Variants in GRM7 observed in about 807,000 individuals in gnomAD.
GRM7 encodes the protein metabotropic glutamate receptor 7.
A neutral mutation model predicts 84.5 loss-of-function variants in GRM7; 35 were observed. The ratio of observed to expected loss-of-function variants is 0.41; its 90% CI spans 0.32 to 0.55. The LOEUF (loss-of-function observed/expected upper bound fraction) is 0.55, where lower values mean the gene tolerates loss of function less well. Ranked by LOEUF, GRM7 falls within the 20% of genes least tolerant of loss-of-function variation. The pLI is 0.19. For missense variants in GRM7, 1,003 were observed against 1,194.6 expected, an observed-to-expected ratio of 0.84 and a Z score of 2.36; for synonymous variants, 487 against 455.1, an observed-to-expected ratio of 1.07 and a Z score of -0.89.
At chr3:7,351,353 A>AC (rs1693135430) in intron 4 of GRM7, among the ~76,000 whole-genome samples, 1 of 150,832 alleles carries the variant, frequency 6.6e-6, no homozygotes. Flanking sequence ...AAAAAAAAAA[A>AC]AAAAAAAAAA....
intron 9 of GRM7, among the ~76,000 whole-genome samples, chr3:7,682,724 G>A (rs149156369): frequency 3.3e-4 from 50 of 152,272 alleles, no homozygotes; most frequent in African/African-American, 1.1e-3. Context: ...CATTACTACT[G>A]TTGCTATTTA....
intron 1 of GRM7, among the ~76,000 whole-genome samples, chr3:7,014,547 C>T (rs9826266): frequency 0.018 from 2,697 of 152,072 alleles, 64 homozygotes; most frequent in African/African-American, 0.062. Flanking sequence ...AACTCCTGGC[C>T]TCAAGTGATT....
chr3:7,693,709 C>CTAAG, intron 9 of GRM7: 2 of 1,444,750 alleles, frequency 1.4e-6, no homozygotes. Flanking sequence ...ATCTGTCCTT[C>CTAAG]TAAGTGTCCT....
intron 8 of GRM7, among the ~76,000 whole-genome samples, chr3:7,642,524 T>A (rs1309024747): frequency 6.6e-6 from 1 of 152,184 alleles, no homozygotes. Context: ...ATTGCTTTTG[T>A]AAAAGACATT....
intron 1 of GRM7, among the ~76,000 whole-genome samples, chr3:7,120,779 T>C (rs1436174110): frequency 2.0e-5 from 3 of 152,192 alleles, no homozygotes; most frequent in Non-Finnish European, 4.4e-5. Flanking sequence ...TTTCTGCCTC[T>C]CTGGAGACAG....
intron 3 of GRM7, 61 bp from the exon 4 acceptor site, chr3:7,306,437 C>A (rs2125034317): frequency 2.1e-6 from 3 of 1,446,224 alleles, no homozygotes; most frequent in Non-Finnish European, 2.9e-6. Context: ...GACTTGCAAT[C>A]TACACGGATT....
intron 1 of GRM7, among the ~76,000 whole-genome samples, chr3:6,979,608 C>A (rs1402695926): frequency 6.6e-6 from 1 of 152,044 alleles, no homozygotes; most frequent in South Asian, 2.1e-4. Context: ...AATAACAGTA[C>A]TTTTACAAGA....
intron 8 of GRM7, among the ~76,000 whole-genome samples, chr3:7,600,987 C>G (rs1696284982): frequency 6.8e-6 from 1 of 146,910 alleles, no homozygotes; most frequent in African/African-American, 2.7e-5. Flanking sequence ...TACAGCCACA[C>G]AGGCTTCAAT....
intron 4 of GRM7, among the ~76,000 whole-genome samples, chr3:7,368,619 A>T (rs1694007221): frequency 6.6e-6 from 1 of 152,034 alleles, no homozygotes; most frequent in Non-Finnish European, 1.5e-5. Flanking sequence ...TAGTTGAGAG[A>T]GCATGAGTTT....
chr3:6,906,885 A>G (rs1385319917), intron 1 of GRM7, among the ~76,000 whole-genome samples: 1 of 152,184 alleles, frequency 6.6e-6, no homozygotes, highest in Admixed American at 6.5e-5. Context: ...TAATTGATAT[A>G]CAAAGAACTG....
At chr3:7,182,491 A>C (rs1695373469) in intron 2 of GRM7, among the ~76,000 whole-genome samples, 1 of 152,198 alleles carries the variant, frequency 6.6e-6, no homozygotes, top group Non-Finnish European at 1.5e-5. Flanking sequence ...CTCAATAATA[A>C]AGGAGGAAAG....
chr3:7,656,074 T>C (rs925047055), intron 8 of GRM7, among the ~76,000 whole-genome samples: 10 of 152,208 alleles, frequency 6.6e-5, no homozygotes, highest in Non-Finnish European at 1.5e-4. Flanking sequence ...TGGCATATAA[T>C]AGCAACTTGA....
rs115323770 is a variant in GRM7, at chr3:6,897,078, G to C, written c.519+35171G>C. 3.2e-3 allele frequency among the ~76,000 whole-genome samples: 482 copies of C among 152,302 alleles called. 8 individuals are homozygous for C. Among genetic ancestry groups the C allele is most frequent in the African/African-American group, 0.011 (467 of 41,582 alleles). On this transcript the variant is annotated intron_variant, in intron 1 of 9. Coordinates refer to ENST00000357716, the MANE Select transcript of GRM7 (RefSeq NM_000844.4). ...ACATAGTCGGTGCTCCTAGGATACT[G>C]GCTGAATTGAATTACATTTTATTGC...
At chr3:7,686,258 C>G (rs1172006792) in intron 9 of GRM7, 1 of 617,732 alleles carries the variant, frequency 1.6e-6, no homozygotes, top group South Asian at 2.2e-5. Flanking sequence ...TGTATGGTCT[C>G]TATCGCAGCC....
intron 8 of GRM7, among the ~76,000 whole-genome samples, chr3:7,633,805 A>G (rs993709163): frequency 6.6e-6 from 1 of 152,148 alleles, no homozygotes; most frequent in African/African-American, 2.4e-5. Context: ...AGACCCGTTC[A>G]AGCTGATCTT....
At chr3:7,721,969 G>A (rs1701965532) in intron 9 of GRM7, among the ~76,000 whole-genome samples, 1 of 152,212 alleles carries the variant, frequency 6.6e-6, no homozygotes, top group Admixed American at 6.5e-5. Flanking sequence ...GTGGATGGAA[G>A]TGGAAATATG....
At chr3:7,575,836 T>C (rs1418288780) in intron 7 of GRM7, among the ~76,000 whole-genome samples, 1 of 152,136 alleles carries the variant, frequency 6.6e-6, no homozygotes, top group African/African-American at 2.4e-5. Flanking sequence ...TTACAGCTCC[T>C]GTATATATTT....
chr3:7,229,551 A>G (rs939355188), intron 2 of GRM7, among the ~76,000 whole-genome samples: 1 of 151,136 alleles, frequency 6.6e-6, no homozygotes, highest in Admixed American at 6.6e-5. Context: ...TTATTTGTTT[A>G]GAAGGCTCAA....
chr3:7,596,325 CGGT>C (rs1696042012), intron 8 of GRM7, among the ~76,000 whole-genome samples: 1 of 152,012 alleles, frequency 6.6e-6, no homozygotes, highest in South Asian at 2.1e-4. Flanking sequence ...TGCTTATGAA[CGGT>C]GGTGAAGATG....
Sources: allele counts gnomAD v4.1 joint callset (sites outside exome capture counted in the v4.1 genomes callset), GRCh38; gene constraint gnomAD v4.1.1; transcripts MANE v1.5; gene names NCBI Gene and HGNC (gene_info 2026-07-23, HGNC 2026-07-21).